HYOU1: variants seen among roughly 807,000 people sequenced by gnomAD.
HYOU1 encodes the protein hypoxia up-regulated protein 1.
A neutral mutation model predicts 120.5 loss-of-function variants in HYOU1; 40 were observed. The ratio of observed to expected loss-of-function variants is 0.33; its 90% confidence interval spans 0.26 to 0.43. The LOEUF (loss-of-function observed/expected upper bound fraction) is 0.43, where lower values mean the gene tolerates loss of function less well. HYOU1 is among the 20% of genes least tolerant of loss of function. The probability of loss-of-function intolerance (pLI) is 1.00; values close to 1 mark genes in which losing one functional copy is unlikely to be tolerated. For synonymous variants in HYOU1, 501 were observed against 479.4 expected (o/e 1.05, Z -0.59); for missense variants, 1,085 against 1,278.3 (o/e 0.85, Z 2.31).
At chr11:119,046,876 A>C (rs1592133178) in intron 22 of HYOU1, 74 bp from the exon 23 acceptor site, 1 of 1,541,048 alleles carries the variant, frequency 6.5e-7, no homozygotes. Flanking sequence ...ATGGAATCAC[A>C]CCCCCAACCA....
chr11:119,048,682 T>G lies in HYOU1; in HGVS notation c.2165+32A>C, dbSNP rs2133566326. On this transcript the variant is annotated intron_variant, in intron 18 of 25. Coordinates refer to ENST00000617285, the MANE Select transcript of HYOU1 (RefSeq NM_006389.5). This position sits in a 1 kb window ranked among gnomAD's most constrained non-coding sequence, Gnocchi z 4.7. ...ACATCCTGCCCACCTTGCACACACA[T>G]GTACACACACACACCAGCTGTCCTC... is the stretch of plus-strand genomic sequence containing the variant. 1.2e-6 allele frequency: 2 copies of G among 1,606,136 alleles called. No individual in the cohort carries two copies. The highest frequency in any genetic ancestry group is 1.7e-5 in the Admixed American group (1 of 59,470).
At position 119,044,833 on chromosome 11, in the gene HYOU1, ACCAC is replaced by A; in HGVS notation, c.*756_*759del. The A allele has an allele frequency of 4.0e-6, 1 of 249,418 alleles. No homozygotes were observed. The highest frequency in any genetic ancestry group is 2.2e-5 in the African/African-American group (1 of 45,616). 15.5% of individuals were successfully genotyped at this position (249,418 alleles called of 1,614,324 possible). On this transcript the variant is annotated 3_prime_UTR_variant, in exon 26 of 26. Coordinates refer to ENST00000617285, the MANE Select transcript of HYOU1 (RefSeq NM_006389.5). ...TGCACGATGCTGGCACCCCATGCCA[ACCAC>A]TCTACGTGGCTTTCCTCTTCGGAGA...
At position 119,051,969 on chromosome 11, in the gene HYOU1, C is replaced by G; in HGVS notation, c.1206-18G>C. 6.2e-7 allele frequency: 1 copy of G among 1,614,096 alleles called. No individual in the cohort carries two copies. Among genetic ancestry groups the G allele is most frequent in the Non-Finnish European group, 8.5e-7 (1 of 1,179,976 alleles). ...GCTCCTCCCTGGGAAAGCCCCAAGC[C>G]TCAGCACGGTCTACCCTGGAGCATG... On this transcript the variant is annotated intron_variant, in intron 11 of 25. Coordinates refer to ENST00000617285, the MANE Select transcript of HYOU1 (RefSeq NM_006389.5). This position sits in a 1 kb window ranked among gnomAD's most constrained non-coding sequence, Gnocchi z 4.2.
At position 119,055,223 on chromosome 11, in the gene HYOU1, G is replaced by GAA; in HGVS notation, c.379_380dup (p.Asp128SerfsTer34). On this transcript the variant is annotated frameshift_variant, in exon 5 of 26. Transcript: ENST00000617285. LOFTEE classifies it high-confidence loss of function. This position sits in a 1 kb window ranked among gnomAD's most constrained non-coding sequence, Gnocchi z 4.0. ...AGTGCACAGTCTGCCTCTGTGGGTC[G>GAA]AAAGTCAGCTCGTGCTCCGGGAAGC... is the stretch of plus-strand genomic sequence containing the variant. The GAA allele has an allele frequency of 6.2e-7, 1 of 1,614,106 alleles. No individual in the cohort carries two copies.
rs2133551131 is a variant in HYOU1 at position 119,046,577 on chromosome 11, C to T, written c.2821G>A (p.Val941Ile). Residue 941 changes from valine to isoleucine, a missense_variant, in exon 23 of 26, where the codon GTC becomes ATC. This residue lies in a region of HYOU1 where 516 missense variants were observed against 517.1 expected (regional missense o/e 1.00). Transcript: ENST00000617285. ...CTGTTCTCACCTGCTGGAGGGATGA[C>T]CTTCTCCCCCTGGTCACTGGCACTG... ...NASASDQGEKVIPPAGQTEDA... is the reference protein window; with the variant it reads ...NASASDQGEKIIPPAGQTEDA... 2.5e-6 allele frequency: 4 copies of T among 1,613,664 alleles called. 1 individual carries two copies. The South Asian group carries it at 3.3e-5, about 13-fold the overall frequency.
In HYOU1 at chr11:119,048,684, TAC is replaced by T. The variant is rs2133566401; in HGVS notation, c.2165+28_2165+29del. The stretch of plus-strand genomic sequence containing the variant: ...ATCCTGCCCACCTTGCACACACATG[TAC>T]ACACACACACCAGCTGTCCTCACTT... On this transcript the variant is annotated intron_variant, in intron 18 of 25. Coordinates refer to ENST00000617285, the MANE Select transcript of HYOU1 (RefSeq NM_006389.5). The surrounding 1 kb of genome is among the most constrained non-coding windows in gnomAD (Gnocchi z 4.7). The T allele has an allele frequency of 2.6e-5, 42 of 1,604,650 alleles. No individual in the cohort carries two copies. Among genetic ancestry groups the T allele is most frequent in the South Asian group, 8.9e-5 (8 of 89,628 alleles).
Position 119,048,111 on chromosome 11 carries a change from G to T in HYOU1, c.2377-31C>A, listed in dbSNP as rs2133561147. On this transcript the variant is annotated intron_variant, in intron 20 of 25. Transcript: ENST00000617285. The surrounding 1 kb of genome is among the most constrained non-coding windows in gnomAD (Gnocchi z 4.7). ...GGATGTGCGATTGGGCAGAGGGGTG[G>T]AAGGGACGACAGCAGAGCCTGGAGT... 6 of 1,613,480 alleles carry T rather than the reference G, an allele frequency of 3.7e-6. No homozygotes were observed. In the East Asian group the frequency reaches 8.9e-5, roughly 24 times the overall value.
chr11:119,045,321 T>C lies in HYOU1; in HGVS notation c.*272A>G. 6 of 609,208 alleles carry C rather than the reference T, an allele frequency of 9.8e-6. No individual in the cohort carries two copies. Among genetic ancestry groups the C allele is most frequent in the Middle Eastern group, 4.1e-4 (1 of 2,438 alleles). 37.7% of individuals were successfully genotyped at this position (609,208 alleles called of 1,614,324 possible). A position where few individuals can be genotyped will look rare whatever the true frequency, so the allele number is the denominator to read the frequency against. On this transcript the variant is annotated 3_prime_UTR_variant, in exon 26 of 26. Transcript: ENST00000617285. ...CACAGGCAAAGGATTCAGAAATTAA[T>C]AGTGATTTTTCCCAAATTTAGGGCC...
At chr11:119,056,685 C>T (rs975849856) in intron 1 of HYOU1, 3 of 285,246 alleles carry the variant, frequency 1.1e-5, no homozygotes, top group Non-Finnish European at 2.1e-5. Context: ...CGGGTTGTCC[C>T]GCCCCCTCCC....
In HYOU1 at chr11:119,053,864, A is replaced by C. The variant is rs992491291; in HGVS notation, c.794+257T>G. 4 of 400,122 alleles carry C rather than the reference A, an allele frequency of 1.0e-5. No individual in the cohort carries two copies. The Admixed American group carries it at 1.7e-4, about 17-fold the overall frequency. 24.8% of individuals were successfully genotyped at this position (400,122 alleles called of 1,614,324 possible). On this transcript the variant is annotated intron_variant, in intron 8 of 25. Coordinates refer to ENST00000617285, the MANE Select transcript of HYOU1 (RefSeq NM_006389.5). ...AAAACATGATTGAATCTGACACCCT[A>C]CATATTGCCTGCGGCTCCATGGATT...
In HYOU1 at chr11:119,048,156, A is replaced by G. The variant is rs1944196452; in HGVS notation, c.2377-76T>C. On this transcript the variant is annotated intron_variant, in intron 20 of 25. Coordinates refer to ENST00000617285, the MANE Select transcript of HYOU1 (RefSeq NM_006389.5). The surrounding 1 kb of genome is among the most constrained non-coding windows in gnomAD (Gnocchi z 4.7). ...TGGAGTCAGCCCCATGTCCTTCTTT[A>G]TGGGCTCAAGCCCCAGCTCTTCTCT... is the stretch of plus-strand genomic sequence containing the variant. 1.2e-6 allele frequency: 2 copies of G among 1,611,184 alleles called. No individual in the cohort carries two copies. Among genetic ancestry groups the G allele is most frequent in the African/African-American group, 1.3e-5 (1 of 74,900 alleles).
chr11:119,055,381 G>A lies in HYOU1; in HGVS notation c.265-42C>T. On this transcript the variant is annotated intron_variant, in intron 4 of 25. Transcript: ENST00000617285. This position sits in a 1 kb window ranked among gnomAD's most constrained non-coding sequence, Gnocchi z 4.0. ...GAGCAGACTAGTATTAGGCTCCCAAGTCCACCATTACCTACCTCTTACATC... is the reference window on the plus strand; with the variant it reads ...GAGCAGACTAGTATTAGGCTCCCAAATCCACCATTACCTACCTCTTACATC... 1.2e-6 allele frequency: 2 copies of A among 1,608,828 alleles called. No homozygotes were observed. The highest frequency in any genetic ancestry group is 1.7e-6 in the Non-Finnish European group (2 of 1,176,158).
Position 119,054,494 on chromosome 11 carries a change from C to G in HYOU1, c.678G>C (p.Gln226His), listed in dbSNP as rs1484062840. The G allele has an allele frequency of 1.5e-5, 25 of 1,614,098 alleles. No homozygotes were observed. In the East Asian group the frequency reaches 5.6e-4, roughly 36 times the overall value. The change falls in exon 7 of 26, where the codon CAG becomes CAC. Residue 226 changes from glutamine (Q) to histidine (H), a missense_variant and splice_region_variant. Physicochemically the swap from Gln to His is conservative, Grantham distance 24. Transcript: ENST00000617285. ...TCTGGTCAAGGCTCCCCTGGCTCAC[C>G]TGGGCAGTGGTGTTAATATCTTTCC... ...FRRKDINTTA[Q>H]NIMFYDMGSG...
chr11:119,048,728 A>G lies in HYOU1; in HGVS notation c.2151T>C (p.Ala717=), dbSNP rs1944237333. Residue 717 remains alanine, a synonymous_variant, in exon 18 of 26, where the codon GCT becomes GCC. Transcript: ENST00000617285. This position sits in a 1 kb window ranked among gnomAD's most constrained non-coding sequence, Gnocchi z 4.7. ...TCCTCACTTACTTCTGCACCGACTG[A>G]GCCAGCTTATCCTCTGGCAAGTCAG... ...DLPDLPEDKL[A]QSVQKLQDLT... is the part of the protein sequence containing the mutation. The G allele has an allele frequency of 1.9e-6, 3 of 1,611,568 alleles. No individual in the cohort carries two copies. The highest frequency in any genetic ancestry group is 1.1e-5 in the South Asian group (1 of 90,714).
Position 119,048,692 on chromosome 11 carries a change from C to T in HYOU1, c.2165+22G>A. On this transcript the variant is annotated intron_variant, in intron 18 of 25. Transcript: ENST00000617285. This position sits in a 1 kb window ranked among gnomAD's most constrained non-coding sequence, Gnocchi z 4.7. ...CACCTTGCACACACATGTACACACA[C>T]ACACCAGCTGTCCTCACTTACTTCT... is the stretch of plus-strand genomic sequence containing the variant. 6.2e-7 allele frequency: 1 copy of T among 1,606,802 alleles called. No homozygotes were observed. The highest frequency in any genetic ancestry group is 8.5e-7 in the Non-Finnish European group (1 of 1,175,938).
rs148386060 is a variant in HYOU1 at position 119,048,847 on chromosome 11, C to G, written c.2032G>C (p.Ala678Pro). 1.9e-6 allele frequency: 3 copies of G among 1,613,052 alleles called. No individual in the cohort carries two copies. The East Asian group carries it at 6.7e-5, about 36-fold the overall frequency. Residue 678 changes from alanine (A) to proline (P), a missense_variant, in exon 18 of 26, where the codon GCT becomes CCT. Physicochemically the swap from Ala to Pro is conservative, Grantham distance 27 (BLOSUM62 -1). Transcript: ENST00000617285. This position sits in a 1 kb window ranked among gnomAD's most constrained non-coding sequence, Gnocchi z 4.7. ...TTCTTCTCTCCCTCTGGGGCTGGAG[C>G]GACGCCCTCAGGCCCTGCCTCTGCC... is the stretch of plus-strand genomic sequence containing the variant. ...EKAEAGPEGV[A>P]PAPEGEKKQK...
At position 119,048,748 on chromosome 11, in the gene HYOU1, A is replaced by G. The variant is rs2133566806; in HGVS notation, c.2131T>C (p.Leu711=). ...GACTGAGCCAGCTTATCCTCTGGCA[A>G]GTCAGGCAGGTCCAGAACAACCAGC... ...VELVVLDLPD[L]PEDKLAQSVQ... Residue 711 remains leucine (L), a synonymous_variant, in exon 18 of 26, where the codon TTG becomes CTG. Transcript: ENST00000617285. This position sits in a 1 kb window ranked among gnomAD's most constrained non-coding sequence, Gnocchi z 4.7. 3 of 1,613,188 alleles carry G rather than the reference A, an allele frequency of 1.9e-6. No homozygotes were observed. The Admixed American group carries it at 5.0e-5, about 27-fold the overall frequency.
In HYOU1 at chr11:119,057,193, G is replaced by C. The variant is rs1944835008; in HGVS notation, c.-181C>G. 1 of 150,996 alleles carries C rather than the reference G, an allele frequency of 6.6e-6. No homozygotes were observed. The highest frequency in any genetic ancestry group is 2.4e-5 in the African/African-American group (1 of 41,276). The allele number at this position is 150,996 out of a possible 1,614,324, so 9.4% of individuals were successfully genotyped here. On this transcript the variant is annotated 5_prime_UTR_variant, in exon 1 of 26. Coordinates refer to ENST00000617285, the MANE Select transcript of HYOU1 (RefSeq NM_006389.5). ...CGCGCACCAGCCGGCCCCGGACGCG[G>C]CGCGCGCTCATTGGAGCCTCGGCCG...
rs1944229489 is a variant in HYOU1, at chr11:119,048,611, C to G, written c.2166-48G>C. The stretch of plus-strand genomic sequence containing the variant: ...GGATGAGGGAGAGGGCAAGTGAGAA[C>G]TTGAGACTCTGGGTCCGACAGCCCT... On this transcript the variant is annotated intron_variant, in intron 18 of 25. Coordinates refer to ENST00000617285, the MANE Select transcript of HYOU1 (RefSeq NM_006389.5). The surrounding 1 kb of genome is among the most constrained non-coding windows in gnomAD (Gnocchi z 4.7). The G allele has an allele frequency of 4.3e-6, 7 of 1,610,698 alleles. No homozygotes were observed. In the South Asian group the frequency reaches 7.7e-5, roughly 18 times the overall value.
Sources: gnomAD v4.1 joint callset for allele counts on GRCh38, gnomAD v4.1.1 for gene constraint, gnomAD v4.1.1 regional missense constraint, Gnocchi (gnomAD v3.1) non-coding constraint, MANE v1.5 for transcripts, NCBI Gene and HGNC (gene_info 2026-07-23, HGNC 2026-07-21) for gene names.